The following NPTN variants were observed in gnomAD, a reference collection of about 807,000 sequenced individuals.
The protein encoded by NPTN is SDR-1.
In NPTN, 5 loss-of-function variants were observed where a neutral mutation model predicts 42.7. That is an observed-to-expected ratio of 0.12 (90% CI 0.06 to 0.25). The LOEUF is 0.25. Among genes scored for constraint, NPTN ranks in the 10% least tolerant of loss-of-function variants. The pLI is 1.00. For missense variants in NPTN, 307 were observed against 525.4 expected (o/e 0.58, Z 4.06); for synonymous variants, 180 against 201.9 (o/e 0.89, Z 0.92).
At chr15:73,584,687 A>C (rs1896227601) in intron 4 of NPTN, among the ~76,000 whole-genome samples, 1 of 151,394 alleles carries the variant, frequency 6.6e-6, no homozygotes, top group Non-Finnish European at 1.5e-5. Flanking sequence ...CCATCTGTGC[A>C]GATCACCTGC....
chr15:73,563,112 C>T, intron 7 of NPTN, 124 bp downstream of exon 7: 2 of 715,860 alleles, frequency 2.8e-6, no homozygotes, highest in African/African-American at 1.8e-5. Flanking sequence ...AAGAAATCTA[C>T]ACTGCAACCT....
rs1894624346 is a variant in NPTN at position 73,560,973 on chromosome 15, A to C, written c.*90T>G. ...GTCATTGTGGTGTTGCTCACTTGAA[A>C]GGGGAGAGAACCAAAGAGGTCCAAG... is the stretch of plus-strand genomic sequence containing the variant. On this transcript the variant is annotated 3_prime_UTR_variant, in exon 9 of 9. Transcript: ENST00000345330. 6.6e-6 allele frequency: 1 copy of C among 152,628 alleles called. No homozygotes were observed. The highest frequency in any genetic ancestry group is 2.1e-4 in the South Asian group (1 of 4,836). 9.5% of individuals were successfully genotyped at this position (152,628 alleles called of 1,614,324 possible). A position where few individuals can be genotyped will look rare whatever the true frequency, so the allele number is the denominator to read the frequency against.
intron 1 of NPTN, among the ~76,000 whole-genome samples, chr15:73,607,851 G>A (rs1029944061): frequency 1.3e-5 from 2 of 152,200 alleles, no homozygotes; most frequent in Non-Finnish European, 2.9e-5. Flanking sequence ...GCCTGAGACT[G>A]CACTTACAAG....
At chr15:73,603,599 G>A (rs1239678618) in intron 1 of NPTN, among the ~76,000 whole-genome samples, 1 of 152,164 alleles carries the variant, frequency 6.6e-6, no homozygotes, top group Non-Finnish European at 1.5e-5. Context: ...TTAAATCTAA[G>A]ATATTATGAA....
chr15:73,587,464 C>A (rs764900706), intron 4 of NPTN, 60 bp downstream of exon 4: 6 of 1,227,424 alleles, frequency 4.9e-6, no homozygotes, highest in Non-Finnish European at 7.2e-6. Context: ...GACTCCAGAC[C>A]AAGGTACTGT....
In NPTN at chr15:73,597,935, T is replaced by C. The variant is rs941896186; in HGVS notation, c.92-566A>G. ...AGAGTTCAAATTTCAACTGAAAGAG[T>C]AGCAAATTTCTCTCTCACACAGGAT... On this transcript the variant is annotated intron_variant, in intron 1 of 8. Transcript: ENST00000345330. This position sits in a 1 kb window ranked among gnomAD's most constrained non-coding sequence, Gnocchi z 6.3. Among the ~76,000 whole-genome samples, 1 of 152,026 alleles carries C rather than the reference T, an allele frequency of 6.6e-6. No homozygotes were observed. Among genetic ancestry groups the C allele is most frequent in the Admixed American group, 6.5e-5 (1 of 15,278 alleles).
intron 1 of NPTN, among the ~76,000 whole-genome samples, chr15:73,614,536 C>T (rs941837859): frequency 6.6e-6 from 1 of 152,082 alleles, no homozygotes; most frequent in Non-Finnish European, 1.5e-5. Context: ...CATGAAGATG[C>T]ACAAGGTAAG....
chr15:73,630,580 C>A (rs1260669629), intron 1 of NPTN, among the ~76,000 whole-genome samples: 1 of 152,218 alleles, frequency 6.6e-6, no homozygotes, highest in African/African-American at 2.4e-5. Context: ...CCTTGAGAGT[C>A]ATACAGGCCA....
chr15:73,618,787 G>A (rs1233425364), intron 1 of NPTN, among the ~76,000 whole-genome samples: 1 of 152,038 alleles, frequency 6.6e-6, no homozygotes, highest in Non-Finnish European at 1.5e-5. Context: ...AGTGGGCTGT[G>A]GTCTCACCAC....
chr15:73,607,795 C>T (rs1897359500), intron 1 of NPTN, among the ~76,000 whole-genome samples: 1 of 152,188 alleles, frequency 6.6e-6, no homozygotes, highest in African/African-American at 2.4e-5. Flanking sequence ...TTAAATTTTA[C>T]CATGCAGCAG....
intron 6 of NPTN, chr15:73,568,923 C>G (rs1895204735): frequency 1.0e-6 from 1 of 985,410 alleles, no homozygotes; most frequent in African/African-American, 1.7e-5. Context: ...AACATGTCCT[C>G]CCAGAGAGTC....
intron 7 of NPTN, among the ~76,000 whole-genome samples, chr15:73,562,487 C>T (rs947175815): frequency 6.6e-6 from 1 of 152,194 alleles, no homozygotes; most frequent in Non-Finnish European, 1.5e-5. Flanking sequence ...CTCCACTGAA[C>T]ACAACACCAC....
chr15:73,605,280 C>T (rs529601756), intron 1 of NPTN, among the ~76,000 whole-genome samples: 1 of 152,048 alleles, frequency 6.6e-6, no homozygotes, highest in East Asian at 1.9e-4. Context: ...CTGCAAACCA[C>T]TGATCCAGAA....
intron 1 of NPTN, among the ~76,000 whole-genome samples, chr15:73,614,999 T>C (rs1352559676): frequency 6.6e-6 from 1 of 152,172 alleles, no homozygotes; most frequent in Non-Finnish European, 1.5e-5. Flanking sequence ...GAGTTTAAAA[T>C]AGATTTCTTA....
chr15:73,571,023 G>A (rs1232514279), intron 5 of NPTN, among the ~76,000 whole-genome samples: 1 of 152,216 alleles, frequency 6.6e-6, no homozygotes, highest in Non-Finnish European at 1.5e-5. Context: ...GCTCATGCCT[G>A]TAATCTCAGC....
intron 6 of NPTN, chr15:73,567,085 T>G (rs1196794898): frequency 1.0e-6 from 1 of 981,516 alleles, no homozygotes; most frequent in Non-Finnish European, 1.2e-6. Context: ...AATATTTGAT[T>G]TTCTAGTGAA....
At chr15:73,579,478 A>G (rs937949402) in intron 4 of NPTN, among the ~76,000 whole-genome samples, 3 of 151,876 alleles carry the variant, frequency 2.0e-5, no homozygotes, top group African/African-American at 7.3e-5. Context: ...CTATGAATTC[A>G]GTACTATCAG....
chr15:73,621,103 C>T (rs532244847), intron 1 of NPTN, among the ~76,000 whole-genome samples: 1 of 152,104 alleles, frequency 6.6e-6, no homozygotes, highest in African/African-American at 2.4e-5. Flanking sequence ...CACAGATAGA[C>T]ATCTGATTTC....
intron 1 of NPTN, among the ~76,000 whole-genome samples, chr15:73,624,422 G>C (rs1356757142): frequency 6.6e-6 from 1 of 152,146 alleles, no homozygotes; most frequent in Non-Finnish European, 1.5e-5. Flanking sequence ...GGAGCTCCTT[G>C]TGCTATTTTT....
Sources: gnomAD v4.1 joint callset for allele counts (sites outside exome capture counted in the v4.1 genomes callset) on GRCh38, gnomAD v4.1.1 for gene constraint, Gnocchi (gnomAD v3.1) non-coding constraint, MANE v1.5 for transcripts, NCBI Gene and HGNC (gene_info 2026-07-23, HGNC 2026-07-21) for gene names.